DLG2: variants seen among roughly 807,000 people sequenced by gnomAD.
DLG2 encodes the protein discs large MAGUK scaffold protein 2, also known as disks large homolog 2.
A neutral mutation model predicts 132.5 loss-of-function variants in DLG2; 45 were observed. That is an observed-to-expected ratio of 0.34 (90% CI 0.27 to 0.44). The LOEUF is 0.44. Ranked by LOEUF, DLG2 falls within the 20% of genes least tolerant of loss-of-function variation. The probability of loss-of-function intolerance (pLI) is 1.00; values close to 1 mark genes in which losing one functional copy is unlikely to be tolerated. For synonymous variants in DLG2, 424 were observed against 419.6 expected (o/e 1.01, Z -0.13); for missense variants, 1,045 against 1,196.9 (o/e 0.87, Z 1.87).
chr11:85,005,494 G>C (rs1488107371), intron 6 of DLG2, among the ~76,000 whole-genome samples: 2 of 152,144 alleles, frequency 1.3e-5, no homozygotes, highest in African/African-American at 4.8e-5. Context: ...TAGCAATTCT[G>C]AATGGGAGTT....
At chr11:85,593,660 C>T (rs1323039375) in intron 3 of DLG2, among the ~76,000 whole-genome samples, 2 of 152,272 alleles carry the variant, frequency 1.3e-5, no homozygotes, top group Non-Finnish European at 2.9e-5. Flanking sequence ...TTTAAATAAT[C>T]CTTCACTTCC....
chr11:84,261,986 T>C (rs2097553023), intron 7 of DLG2, among the ~76,000 whole-genome samples: 1 of 152,164 alleles, frequency 6.6e-6, no homozygotes, highest in South Asian at 2.1e-4. Flanking sequence ...TGCTATTCAC[T>C]GCAGAGCATG....
At chr11:84,527,645 T>C (rs1416245991) in intron 7 of DLG2, among the ~76,000 whole-genome samples, 1 of 152,198 alleles carries the variant, frequency 6.6e-6, no homozygotes, top group Non-Finnish European at 1.5e-5. Context: ...AAAAGGAGGC[T>C]TTAATCTTCC....
intron 3 of DLG2, among the ~76,000 whole-genome samples, chr11:85,434,637 C>A (rs2091379435): frequency 6.6e-6 from 1 of 152,060 alleles, no homozygotes; most frequent in Non-Finnish European, 1.5e-5. Flanking sequence ...GAAGTCAAAT[C>A]CCTGAATAGA....
intron 15 of DLG2, among the ~76,000 whole-genome samples, chr11:83,901,654 G>T (rs1035277254): frequency 6.6e-6 from 1 of 152,146 alleles, no homozygotes; most frequent in African/African-American, 2.4e-5. Context: ...TTTGTAAATT[G>T]CCCAGTCTTG....
chr11:84,059,572 G>T, intron 10 of DLG2, 88 bp from the exon 11 acceptor site: 1 of 1,041,740 alleles, frequency 9.6e-7, no homozygotes, highest in Non-Finnish European at 1.3e-6. Flanking sequence ...CTTAAGAAGT[G>T]GGAAAGTAAA....
chr11:85,438,833 T>C (rs2091628398), intron 3 of DLG2, among the ~76,000 whole-genome samples: 1 of 152,098 alleles, frequency 6.6e-6, no homozygotes, highest in Non-Finnish European at 1.5e-5. Context: ...CCCACCCACC[T>C]CATCTCATCC....
intron 18 of DLG2, among the ~76,000 whole-genome samples, chr11:83,710,485 G>C (rs1321886675): frequency 6.6e-6 from 1 of 152,058 alleles, no homozygotes; most frequent in Non-Finnish European, 1.5e-5. Context: ...CCACTCAAGA[G>C]GAAGACACAA....
rs980480370 is a variant in DLG2 at position 84,640,671 on chromosome 11, G to A, written c.358-105940C>T. The A allele has an allele frequency of 1.7e-5, 3 of 177,014 alleles. No homozygotes were observed. The Admixed American group carries it at 1.9e-4, about 11-fold the overall frequency. 11.0% of individuals were successfully genotyped at this position (177,014 alleles called of 1,614,324 possible). A position where few individuals can be genotyped will look rare whatever the true frequency, so the allele number is the denominator to read the frequency against. ...AAAGACCTATTGATGGCCAGGCATG[G>A]TAGCTCACACCTGGAATCAAAGCAC... On this transcript the variant is annotated intron_variant, in intron 6 of 27. Coordinates refer to ENST00000376104, the MANE Select transcript of DLG2 (RefSeq NM_001142699.3).
intron 6 of DLG2, among the ~76,000 whole-genome samples, chr11:84,749,808 CCT>C (rs1439633850): frequency 6.6e-6 from 1 of 152,052 alleles, no homozygotes; most frequent in Admixed American, 6.6e-5. Flanking sequence ...TTGGATTCCC[CCT>C]GCTGTTGGTT....
At chr11:83,690,010 A>G (rs2080667722) in intron 18 of DLG2, among the ~76,000 whole-genome samples, 1 of 142,676 alleles carries the variant, frequency 7.0e-6, no homozygotes, top group Non-Finnish European at 1.5e-5. Flanking sequence ...TATTTATTAT[A>G]ATATTTAATA....
chr11:84,590,794 G>A (rs936870793), intron 6 of DLG2, among the ~76,000 whole-genome samples: 15 of 152,232 alleles, frequency 9.9e-5, no homozygotes, highest in African/African-American at 2.2e-4. Context: ...CATAGAGCAC[G>A]CAAACTTTTG....
chr11:83,952,369 G>A (rs1007023845), intron 14 of DLG2, among the ~76,000 whole-genome samples: 3 of 151,858 alleles, frequency 2.0e-5, no homozygotes, highest in Non-Finnish European at 2.9e-5. Context: ...GTAAGACTAT[G>A]GAAGGACAGA....
intron 3 of DLG2, among the ~76,000 whole-genome samples, chr11:85,563,886 C>A (rs1431319685): frequency 6.6e-6 from 1 of 151,960 alleles, no homozygotes; most frequent in Non-Finnish European, 1.5e-5. Context: ...TAAAAAGTAC[C>A]AAACTGTCTT....
chr11:84,601,054 A>T (rs2099575602), intron 6 of DLG2, among the ~76,000 whole-genome samples: 1 of 152,286 alleles, frequency 6.6e-6, no homozygotes, highest in Non-Finnish European at 1.5e-5. Flanking sequence ...TATATGTATA[A>T]AGGTAGTGAT....
At chr11:84,348,567 G>A (rs1004503970) in intron 7 of DLG2, among the ~76,000 whole-genome samples, 2 of 152,150 alleles carry the variant, frequency 1.3e-5, no homozygotes, top group Admixed American at 6.5e-5. Flanking sequence ...TATGACAGGG[G>A]ATTCTAATAA....
At chr11:84,187,297 C>G (rs2096294642) in intron 8 of DLG2, among the ~76,000 whole-genome samples, 1 of 151,750 alleles carries the variant, frequency 6.6e-6, no homozygotes, top group South Asian at 2.1e-4. Context: ...GATATCTAGA[C>G]TTACAAAAGA....
chr11:83,980,780 C>T (rs2092705719), intron 11 of DLG2, 138 bp from the exon 12 acceptor site: 1 of 845,554 alleles, frequency 1.2e-6, no homozygotes, highest in Non-Finnish European at 1.7e-6. Context: ...ACACTAAAAA[C>T]TGTATTTCAA....
At chr11:83,801,281 T>C (rs1469599722) in intron 17 of DLG2, among the ~76,000 whole-genome samples, 2 of 152,036 alleles carry the variant, frequency 1.3e-5, no homozygotes, top group African/African-American at 2.4e-5. Flanking sequence ...GGTCCCTCCA[T>C]TGTCTCTGTG....
Sources: allele counts gnomAD v4.1 joint callset (sites outside exome capture counted in the v4.1 genomes callset), GRCh38; gene constraint gnomAD v4.1.1; transcripts MANE v1.5; gene names NCBI Gene and HGNC (gene_info 2026-07-23, HGNC 2026-07-21).